MTCL1: variants seen among roughly 807,000 people sequenced by gnomAD.
MTCL1 encodes microtubule cross-linking factor 1.
A neutral mutation model predicts 141.4 loss-of-function variants in MTCL1; 79 were observed. The ratio of observed to expected loss-of-function variants is 0.56; its 90% confidence interval spans 0.47 to 0.67. MTCL1 has a LOEUF of 0.67. Ranked by LOEUF, MTCL1 falls within the 30% of genes least tolerant of loss-of-function variation. The pLI, the probability that MTCL1 is intolerant of heterozygous loss-of-function variation, is 0.00. For synonymous variants in MTCL1, 914 were observed against 875.8 expected (o/e 1.04, Z -0.77); for missense variants, 2,177 against 2,113.9 (o/e 1.03, Z -0.59).
At chr18:8,719,769 T>C (rs1354044827) in intron 3 of MTCL1, among the ~76,000 whole-genome samples, 1 of 152,106 alleles carries the variant, frequency 6.6e-6, no homozygotes, top group East Asian at 1.9e-4. Context: ...AGGGTCTCAC[T>C]GTGTTTCCCA....
intron 4 of MTCL1, among the ~76,000 whole-genome samples, chr18:8,765,073 A>T (rs2096453272): frequency 6.6e-6 from 1 of 152,208 alleles, no homozygotes; most frequent in Non-Finnish European, 1.5e-5. Flanking sequence ...AAGTGAGTTG[A>T]TACCCGGTGG....
Position 8,806,887 on chromosome 18 carries a change from C to T in MTCL1, c.2437-6C>T. 9 of 1,612,422 alleles carry T rather than the reference C, an allele frequency of 5.6e-6. No homozygotes were observed. The highest frequency in any genetic ancestry group is 7.6e-6 in the Non-Finnish European group (9 of 1,179,584). ...GGTGGTGGAGCCTGACTCAGTGTTC[C>T]CGCAGGTGGTGGAAAACCAGCAGCT... On this transcript the variant is annotated splice_region_variant and splice_polypyrimidine_tract_variant and intron_variant, in intron 10 of 16. Coordinates refer to ENST00000359865, the Ensembl canonical transcript of MTCL1.
At chr18:8,744,715 GT>G (rs147855991) in intron 4 of MTCL1, among the ~76,000 whole-genome samples, 4,659 of 152,174 alleles carry the variant, frequency 0.031, 241 homozygotes, top group African/African-American at 0.11. Context: ...CATCTGTTAG[GT>G]TTTTCAAGTA....
chr18:8,805,990 A>G (rs1598746007), intron 10 of MTCL1, among the ~76,000 whole-genome samples: 1 of 152,350 alleles, frequency 6.6e-6, no homozygotes, highest in East Asian at 1.9e-4. Flanking sequence ...CAGGTTTCAG[A>G]ACATATAAAC....
intron 4 of MTCL1, among the ~76,000 whole-genome samples, chr18:8,746,702 C>T (rs952277727): frequency 2.7e-4 from 41 of 152,188 alleles, no homozygotes; most frequent in Admixed American, 3.3e-4. Flanking sequence ...ATCTCCTGCC[C>T]ATGTTGGTGC....
intron 10 of MTCL1, among the ~76,000 whole-genome samples, chr18:8,805,516 C>T (rs665310): frequency 0.34 from 52,321 of 152,048 alleles, 9,436 homozygotes; most frequent in East Asian, 0.58. Context: ...CCCATATATA[C>T]TTAACCATTT....
intron 7 of MTCL1, among the ~76,000 whole-genome samples, chr18:8,790,507 C>T (rs1383268206): frequency 1.3e-5 from 2 of 152,322 alleles, no homozygotes; most frequent in Non-Finnish European, 2.9e-5. Context: ...CAGTCCTGCA[C>T]GGAACACCTG....
At chr18:8,817,236 A>G (rs2076683135) in intron 12 of MTCL1, among the ~76,000 whole-genome samples, 1 of 150,420 alleles carries the variant, frequency 6.6e-6, no homozygotes, top group African/African-American at 2.4e-5. Context: ...TTAAATGAAC[A>G]TATAAAAAGC....
chr18:8,822,353 G>T lies in MTCL1; in HGVS notation c.3188+855G>T, dbSNP rs566768646. On this transcript the variant is annotated intron_variant, in intron 14 of 16. Transcript: ENST00000359865. The surrounding 1 kb of genome is among the most constrained non-coding windows in gnomAD (Gnocchi z 4.6). The stretch of plus-strand genomic sequence containing the variant: ...TCTGTCTCCCAGGCTGGAGTACAGT[G>T]GCACAATCTTGGCTCACTGCAACCT... Among the ~76,000 whole-genome samples the T allele has an allele frequency of 6.7e-4, 102 of 152,250 alleles. No homozygotes were observed. The highest frequency in any genetic ancestry group is 1.0e-3 in the Non-Finnish European group (69 of 68,030).
chr18:8,750,498 C>T (rs532744376), intron 4 of MTCL1, among the ~76,000 whole-genome samples: 29 of 152,278 alleles, frequency 1.9e-4, no homozygotes, highest in African/African-American at 6.7e-4. Context: ...CTGGGCAGCT[C>T]GGGCCAGTGC....
chr18:8,762,922 G>A (rs1409216903), intron 4 of MTCL1, among the ~76,000 whole-genome samples: 2 of 152,220 alleles, frequency 1.3e-5, no homozygotes, highest in Non-Finnish European at 2.9e-5. Flanking sequence ...TGTTGTTACA[G>A]TGGCTGTTTC....
intron 4 of MTCL1, among the ~76,000 whole-genome samples, chr18:8,725,776 CTTTTTTTTTTTTTCTTTT>C (rs1464608569): frequency 5.6e-4 from 62 of 110,994 alleles, no homozygotes; most frequent in Non-Finnish European, 6.7e-4. Flanking sequence ...GTGCCATTTT[CTTTTTTTTTTTTTCTTTT>C]TTTTTTTTTT....
At chr18:8,808,467 G>T (rs372644968) in intron 11 of MTCL1, among the ~76,000 whole-genome samples, 2 of 152,126 alleles carry the variant, frequency 1.3e-5, no homozygotes, top group Admixed American at 6.5e-5. Flanking sequence ...CAGGGAGAGT[G>T]TCCCTAAATA....
At chr18:8,785,335 G>A (rs934169924) in intron 6 of MTCL1, among the ~76,000 whole-genome samples, 1 of 152,212 alleles carries the variant, frequency 6.6e-6, no homozygotes, top group African/African-American at 2.4e-5. Flanking sequence ...AAGGCCCTAG[G>A]CAGCCCAGGC....
chr18:8,710,957 T>C (rs1277729744), intron 1 of MTCL1, among the ~76,000 whole-genome samples: 1 of 150,688 alleles, frequency 6.6e-6, no homozygotes, highest in African/African-American at 2.4e-5. Context: ...GTTACATATG[T>C]ATACATGTGC....
intron 4 of MTCL1, among the ~76,000 whole-genome samples, chr18:8,771,175 G>A: frequency 6.6e-6 from 1 of 152,046 alleles, no homozygotes; most frequent in Non-Finnish European, 1.5e-5. Flanking sequence ...ATATGATAGA[G>A]ATGGGGTCTC....
intron 10 of MTCL1, among the ~76,000 whole-genome samples, chr18:8,801,220 G>A (rs1257199678): frequency 1.3e-5 from 2 of 152,150 alleles, no homozygotes; most frequent in African/African-American, 4.8e-5. Context: ...TGGCCATGCA[G>A]GCTGCCCACC....
At chr18:8,738,830 T>C (rs951039089) in intron 4 of MTCL1, among the ~76,000 whole-genome samples, 2 of 152,182 alleles carry the variant, frequency 1.3e-5, no homozygotes, top group Admixed American at 1.3e-4. Context: ...AAACCACAAA[T>C]TAAAACCTTG....
chr18:8,789,668 T>C, intron 7 of MTCL1: 1 of 985,404 alleles, frequency 1.0e-6, no homozygotes, highest in Non-Finnish European at 1.2e-6. Flanking sequence ...GTGGTTTAGA[T>C]AAGCTGCTTT....
Sources: allele counts gnomAD v4.1 joint callset (sites outside exome capture counted in the v4.1 genomes callset), GRCh38; gene constraint gnomAD v4.1.1; non-coding constraint Gnocchi (gnomAD v3.1); transcripts MANE v1.5; gene names NCBI Gene and HGNC (gene_info 2026-07-23, HGNC 2026-07-21).